Variants in FBXL13 observed in about 807,000 individuals in gnomAD.
The protein encoded by FBXL13 is F-box and leucine-rich repeat protein 13.
A neutral mutation model predicts 83.6 loss-of-function variants in FBXL13; 67 were observed. The ratio of observed to expected loss-of-function variants is 0.80; its 90% confidence interval spans 0.66 to 0.98. The LOEUF (loss-of-function observed/expected upper bound fraction) is 0.98. FBXL13 is among the 50% of genes least tolerant of loss of function. FBXL13 has a pLI of 0.00. For missense variants in FBXL13, 822 were observed against 866.5 expected (o/e 0.95, Z 0.64); for synonymous variants, 272 against 299.5 (o/e 0.91, Z 0.95).
chr7:103,023,636 G>A (rs1408584464), intron 6 of FBXL13, among the ~76,000 whole-genome samples: 5 of 152,130 alleles, frequency 3.3e-5, no homozygotes, highest in Admixed American at 2.0e-4. Context: ...ATGCCCAAAG[G>A]AATATAAATC....
Position 102,995,286 on chromosome 7 carries a change from T to C in FBXL13, c.496-27169A>G, listed in dbSNP as rs935526351. 4.2e-5 allele frequency among the ~76,000 whole-genome samples: 6 copies of C among 144,258 alleles called. No individual in the cohort carries two copies. In the East Asian group the frequency reaches 6.3e-4, roughly 15 times the overall value. 94.6% of individuals were successfully genotyped at this position (144,258 alleles called of 152,430 possible). ...CACGAGGTCAGGAGATCGAGACCAT[T>C]ATGGCTAACATGGTGAAACCCCATC... On this transcript the variant is annotated intron_variant, in intron 6 of 19. Coordinates refer to ENST00000313221, the Ensembl canonical transcript of FBXL13.
intron 2 of FBXL13, among the ~76,000 whole-genome samples, chr7:103,041,074 G>C (rs551048581): frequency 2.0e-5 from 3 of 151,870 alleles, no homozygotes; most frequent in Admixed American, 1.3e-4. Context: ...TTGATAGACC[G>C]ATAGCAAGAC....
chr7:102,953,550 A>C (rs1823767239), intron 8 of FBXL13, among the ~76,000 whole-genome samples: 1 of 152,172 alleles, frequency 6.6e-6, no homozygotes, highest in Non-Finnish European at 1.5e-5. Context: ...AAAAGGGAGA[A>C]TGGGTATGAG....
At chr7:103,059,088 C>T (rs898912576) in intron 1 of FBXL13, among the ~76,000 whole-genome samples, 2 of 152,062 alleles carry the variant, frequency 1.3e-5, no homozygotes, top group Non-Finnish European at 1.5e-5. Flanking sequence ...AGTGAGACCC[C>T]ATCTCTAAAA....
chr7:103,035,594 T>TA (rs979747090), intron 2 of FBXL13, among the ~76,000 whole-genome samples: 7 of 152,208 alleles, frequency 4.6e-5, no homozygotes, highest in Middle Eastern at 3.4e-3. Flanking sequence ...TTACTATATG[T>TA]AAAAAAATGC....
At chr7:102,832,149 C>T (rs1800819245) in intron 18 of FBXL13, among the ~76,000 whole-genome samples, 2 of 152,252 alleles carry the variant, frequency 1.3e-5, no homozygotes, top group South Asian at 4.1e-4. Flanking sequence ...CTCCCTTAAG[C>T]TTTTATATGT....
At chr7:102,955,296 G>C (rs1824070498) in intron 8 of FBXL13, among the ~76,000 whole-genome samples, 1 of 151,940 alleles carries the variant, frequency 6.6e-6, no homozygotes, top group African/African-American at 2.4e-5. Context: ...ATGACTACTG[G>C]GTAAATAATG....
chr7:102,812,840 CTTTTTTTTTTT>C (rs908090315), downstream of FBXL13, among the ~76,000 whole-genome samples: 1 of 122,566 alleles, frequency 8.2e-6, no homozygotes, highest in Non-Finnish European at 1.8e-5. Flanking sequence ...GATTTGGCTT[CTTTTTTTTTTT>C]TTTTTTTTTG....
rs537835923 is a variant in FBXL13 at position 102,929,200 on chromosome 7, T to C, written c.777+2681A>G. Among the ~76,000 whole-genome samples, 6 of 152,300 alleles carry C rather than the reference T, an allele frequency of 3.9e-5. No individual in the cohort carries two copies. The East Asian group carries it at 1.2e-3, about 29-fold the overall frequency. On this transcript the variant is annotated intron_variant, in intron 9 of 19. Coordinates refer to ENST00000313221, the Ensembl canonical transcript of FBXL13. ...TAATGCCTTCCATGTTTTGAAAAGATGTTTTACTGTGGAAATGGGATGGAT... is the reference window on the plus strand; with the variant it reads ...TAATGCCTTCCATGTTTTGAAAAGACGTTTTACTGTGGAAATGGGATGGAT...
intron 6 of FBXL13, among the ~76,000 whole-genome samples, chr7:102,969,656 A>G (rs1826377075): frequency 6.6e-6 from 1 of 151,698 alleles, no homozygotes; most frequent in Non-Finnish European, 1.5e-5. Context: ...TAAAAATACA[A>G]AAATTATTGC....
intron 16 of FBXL13, among the ~76,000 whole-genome samples, chr7:102,866,664 G>A (rs887441203): frequency 1.3e-5 from 2 of 152,158 alleles, no homozygotes; most frequent in African/African-American, 2.4e-5. Context: ...ATGCAGATGG[G>A]TGGTCTCTTG....
intron 6 of FBXL13, among the ~76,000 whole-genome samples, chr7:103,009,419 CTACA>C (rs1791349146): frequency 6.6e-6 from 1 of 152,214 alleles, no homozygotes; most frequent in South Asian, 2.1e-4. Context: ...AGGGGAACCA[CTACA>C]TGAGAAAGGG....
chr7:102,975,055 A>G (rs2129482762), intron 6 of FBXL13, among the ~76,000 whole-genome samples: 1 of 151,926 alleles, frequency 6.6e-6, no homozygotes, highest in Admixed American at 6.5e-5. Flanking sequence ...TCCCCCTTCA[A>G]ACCCTCAGCA....
intron 18 of FBXL13, 22 bp downstream of exon 19, chr7:102,832,818 G>A: frequency 1.2e-6 from 2 of 1,613,756 alleles, no homozygotes; most frequent in Middle Eastern, 1.7e-4. Flanking sequence ...GGATGTGTTT[G>A]AGCCCTGACT....
intron 6 of FBXL13, among the ~76,000 whole-genome samples, chr7:103,014,386 T>C (rs1178420169): frequency 6.6e-6 from 1 of 151,830 alleles, no homozygotes; most frequent in African/African-American, 2.4e-5. Flanking sequence ...AATAAAAGCC[T>C]ACCAAACAGA....
chr7:102,886,666 G>C (rs1810836641), intron 11 of FBXL13, among the ~76,000 whole-genome samples: 1 of 152,150 alleles, frequency 6.6e-6, no homozygotes, highest in Non-Finnish European at 1.5e-5. Context: ...CAACTGATGA[G>C]ATAATTGAGT....
At chr7:102,939,458 T>A (rs756721134) in intron 8 of FBXL13, 41 of 1,612,742 alleles carry the variant, frequency 2.5e-5, no homozygotes, top group Admixed American at 8.4e-5. Context: ...ACAACATCCC[T>A]CCAGATATTG....
intron 1 of FBXL13, among the ~76,000 whole-genome samples, chr7:103,060,044 A>ATG (rs1797734986): frequency 9.9e-6 from 1 of 100,772 alleles, no homozygotes; most frequent in African/African-American, 4.3e-5. Context: ...ATATATATAT[A>ATG]TATATATATA....
intron 1 of FBXL13, among the ~76,000 whole-genome samples, chr7:103,062,655 G>A (rs1274631482): frequency 6.6e-6 from 1 of 151,060 alleles, no homozygotes; most frequent in African/African-American, 2.4e-5. Context: ...TCTTAATGAT[G>A]AAATGTAAAT....
Sources: gnomAD v4.1 joint callset for allele counts (sites outside exome capture counted in the v4.1 genomes callset) on GRCh38, gnomAD v4.1.1 for gene constraint, MANE v1.5 for transcripts, NCBI Gene and HGNC (gene_info 2026-07-23, HGNC 2026-07-21) for gene names.